The following PGAP1 variants were observed in gnomAD, a reference collection of about 807,000 sequenced individuals.
PGAP1 encodes the protein post-GPI attachment to proteins inositol deacylase 1, also known as GPI inositol-deacylase.
PGAP1 carries 76 observed loss-of-function variants against 127.0 expected under a neutral mutation model. The ratio of observed to expected loss-of-function variants is 0.60; its 90% CI spans 0.50 to 0.72. The LOEUF (loss-of-function observed/expected upper bound fraction) is 0.72, where lower values mean the gene tolerates loss of function less well. PGAP1 is among the 30% of genes least tolerant of loss of function. The probability of loss-of-function intolerance (pLI) is 0.00; values close to 1 mark genes in which losing one functional copy is unlikely to be tolerated. For missense variants in PGAP1, 982 were observed against 1,071.3 expected, an observed-to-expected ratio of 0.92 and a Z score of 1.16; for synonymous variants, 362 against 366.5, an observed-to-expected ratio of 0.99 and a Z score of 0.14.
intron 20 of PGAP1, among the ~76,000 whole-genome samples, 176 bp downstream of exon 20, chr2:196,864,811 T>A (rs1701184743): frequency 6.6e-6 from 1 of 152,180 alleles, no homozygotes; most frequent in Non-Finnish European, 1.5e-5. Context: ...TAGCTACTAT[T>A]ACGTGGCATA....
At chr2:196,897,390 A>G (rs1702317000) in intron 6 of PGAP1, among the ~76,000 whole-genome samples, 193 bp from the exon 7 acceptor site, 1 of 152,146 alleles carries the variant, frequency 6.6e-6, no homozygotes, top group Admixed American at 6.5e-5. Flanking sequence ...AGCAAATTAA[A>G]TCTTCCTGGA....
At chr2:196,923,770 C>G (rs1421318163) in intron 1 of PGAP1, among the ~76,000 whole-genome samples, 2 of 151,972 alleles carry the variant, frequency 1.3e-5, no homozygotes, top group African/African-American at 4.8e-5. Flanking sequence ...AAGCGATTCT[C>G]CAGCCTCAGC....
intron 2 of PGAP1, 140 bp from the exon 3 acceptor site, chr2:196,916,733 C>T: frequency 1.3e-6 from 1 of 778,166 alleles, no homozygotes; most frequent in Non-Finnish European, 1.9e-6. Context: ...TCATTAATAG[C>T]ACCAATTTAG....
At position 196,844,528 on chromosome 2, in the gene PGAP1, G is replaced by T; in HGVS notation, c.2333C>A (p.Pro778His). The change falls in exon 24 of 27, where the codon CCT becomes CAT. Residue 778 changes from proline (P) to histidine (H), a missense_variant. Pro to His is a moderately conservative substitution (Grantham distance 77). Transcript: ENST00000354764. ...ASLTTFKNSQ[P>H]VNPKHSRRSE... Reference sequence around the variant, plus strand: ...AGTTTTGAAAATAAAACTTACCACAGGCTGGCTATTCTTAAAAGTTGTTAA... The same window carrying T: ...AGTTTTGAAAATAAAACTTACCACATGCTGGCTATTCTTAAAAGTTGTTAA... 6.3e-7 allele frequency: 1 copy of T among 1,593,520 alleles called. No individual in the cohort carries two copies. The highest frequency in any genetic ancestry group is 8.5e-7 in the Non-Finnish European group (1 of 1,171,208).
chr2:196,844,671 T>C (rs1419217752), intron 23 of PGAP1, 97 bp from the exon 24 acceptor site: 7 of 783,264 alleles, frequency 8.9e-6, no homozygotes, highest in Non-Finnish European at 1.4e-5. Flanking sequence ...TAATCTGAAA[T>C]GTTTAAAATG....
At chr2:196,914,534 T>G (rs1702936603) in intron 3 of PGAP1, among the ~76,000 whole-genome samples, 1 of 152,094 alleles carries the variant, frequency 6.6e-6, no homozygotes. Context: ...GGCAGGAGAA[T>G]CACTTGAACC....
chr2:196,886,650 T>C (rs781578467), intron 10 of PGAP1, among the ~76,000 whole-genome samples: 11 of 152,176 alleles, frequency 7.2e-5, no homozygotes, highest in Non-Finnish European at 1.3e-4. Context: ...AAATAATTTA[T>C]ATACTGTGTT....
At chr2:196,911,519 G>A (rs1392886500) in intron 4 of PGAP1, among the ~76,000 whole-genome samples, 1 of 93,168 alleles carries the variant, frequency 1.1e-5, no homozygotes, top group African/African-American at 4.3e-5. Flanking sequence ...TGACACATTA[G>A]TGGGTGCAGC....
chr2:196,892,593 A>G (rs1481919061), intron 8 of PGAP1, among the ~76,000 whole-genome samples, 192 bp from the exon 9 acceptor site: 1 of 152,102 alleles, frequency 6.6e-6, no homozygotes, highest in Non-Finnish European at 1.5e-5. Flanking sequence ...ATTCACATCA[A>G]GTAAAGTATA....
chr2:196,900,143 T>C (rs140308676), intron 5 of PGAP1, among the ~76,000 whole-genome samples: 1 of 152,346 alleles, frequency 6.6e-6, no homozygotes, highest in East Asian at 1.9e-4. Context: ...GTGTTCTTTC[T>C]TCCTTCTTGT....
At chr2:196,878,171 C>T (rs385960) in intron 13 of PGAP1, among the ~76,000 whole-genome samples, 40,377 of 151,936 alleles carry the variant, frequency 0.27, 6,441 homozygotes, top group African/African-American at 0.45. Flanking sequence ...GAGGATCCCT[C>T]ATCCAAAATG....
chr2:196,845,586 G>T (rs1700533692), intron 23 of PGAP1, among the ~76,000 whole-genome samples: 2 of 144,968 alleles, frequency 1.4e-5, no homozygotes, highest in Admixed American at 6.9e-5. Flanking sequence ...CTAGTGAAAT[G>T]TTAAAAAAAA....
chr2:196,894,097 G>T (rs907337813), intron 7 of PGAP1, among the ~76,000 whole-genome samples: 2 of 152,158 alleles, frequency 1.3e-5, no homozygotes, highest in Admixed American at 6.5e-5. Flanking sequence ...CCAGGAGAAT[G>T]CTTTATTTAG....
intron 1 of PGAP1, among the ~76,000 whole-genome samples, chr2:196,925,642 T>C (rs1207287140): frequency 6.6e-6 from 1 of 151,952 alleles, no homozygotes; most frequent in Non-Finnish European, 1.5e-5. Flanking sequence ...ATGGAAGCGG[T>C]AGGGGTGGAG....
At chr2:196,899,627 T>C (rs889369208) in intron 5 of PGAP1, among the ~76,000 whole-genome samples, 4 of 152,258 alleles carry the variant, frequency 2.6e-5, no homozygotes, top group African/African-American at 9.6e-5. Context: ...GCAACACAAA[T>C]CAAAAAGTCA....
rs950400419 is a variant in PGAP1, at chr2:196,835,660, T to C, written c.*5574A>G. 6.6e-6 allele frequency: 1 copy of C among 152,502 alleles called. No individual in the cohort carries two copies. The highest frequency in any genetic ancestry group is 1.5e-5 in the Non-Finnish European group (1 of 67,904). The allele number at this position is 152,502 out of a possible 1,614,324, so 9.4% of individuals were successfully genotyped here. A position where few individuals can be genotyped will look rare whatever the true frequency, so the allele number is the denominator to read the frequency against. On this transcript the variant is annotated 3_prime_UTR_variant, in exon 27 of 27. Transcript: ENST00000354764. Reference sequence around the variant, plus strand: ...AAGATTATTTTTGCTTTAATCCTAATATGCTAAGAAAAGTTCATTGGCACA... The same window carrying C: ...AAGATTATTTTTGCTTTAATCCTAACATGCTAAGAAAAGTTCATTGGCACA...
chr2:196,919,774 T>C (rs546889982), intron 2 of PGAP1, among the ~76,000 whole-genome samples: 2 of 152,352 alleles, frequency 1.3e-5, no homozygotes, highest in South Asian at 4.1e-4. Context: ...TCTTATTCTT[T>C]GTACCCCTCT....
At position 196,835,686 on chromosome 2, in the gene PGAP1, A is replaced by C. The variant is rs1700218852; in HGVS notation, c.*5548T>G. On this transcript the variant is annotated 3_prime_UTR_variant, in exon 27 of 27. Coordinates refer to ENST00000354764, the MANE Select transcript of PGAP1 (RefSeq NM_024989.4). Reference sequence around the variant, plus strand: ...ATGCTAAGAAAAGTTCATTGGCACAAATATCCAGAGGTATTTTACAGTTTC... The same window carrying C: ...ATGCTAAGAAAAGTTCATTGGCACACATATCCAGAGGTATTTTACAGTTTC... 1 of 152,516 alleles carries C rather than the reference A, an allele frequency of 6.6e-6. No homozygotes were observed. The highest frequency in any genetic ancestry group is 2.4e-5 in the African/African-American group (1 of 41,460). 9.4% of individuals were successfully genotyped at this position (152,516 alleles called of 1,614,324 possible). A position where few individuals can be genotyped will look rare whatever the true frequency, so the allele number is the denominator to read the frequency against.
intron 19 of PGAP1, among the ~76,000 whole-genome samples, chr2:196,865,534 T>C (rs1269926850): frequency 1.3e-5 from 2 of 152,158 alleles, no homozygotes; most frequent in Non-Finnish European, 2.9e-5. Context: ...CCTCTCTATG[T>C]CTTTATCAGT....
Sources: gnomAD v4.1 joint callset for allele counts (sites outside exome capture counted in the v4.1 genomes callset) on GRCh38, gnomAD v4.1.1 for gene constraint, MANE v1.5 for transcripts, NCBI Gene and HGNC (gene_info 2026-07-23, HGNC 2026-07-21) for gene names.